CABIN1: variants seen among roughly 807,000 people sequenced by gnomAD.
CABIN1 encodes calcineurin binding protein 1.
A neutral mutation model predicts 227.7 loss-of-function variants in CABIN1; 133 were observed. That is an observed-to-expected ratio of 0.58 (90% confidence interval 0.51 to 0.67). The LOEUF is 0.67. Ranked by LOEUF, CABIN1 falls within the 30% of genes least tolerant of loss-of-function variation. CABIN1 has a pLI of 0.00. For missense variants in CABIN1, 2,408 were observed against 2,852.5 expected, an observed-to-expected ratio of 0.84 and a Z score of 3.55; for synonymous variants, 1,086 against 1,155.1, an observed-to-expected ratio of 0.94 and a Z score of 1.21.
chr22:24,059,188 G>A (rs549411661), intron 10 of CABIN1, 39 bp from the exon 11 acceptor site: 13 of 1,612,028 alleles, frequency 8.1e-6, no homozygotes, highest in Admixed American at 3.3e-5. Context: ...GTGTCAGAAC[G>A]TGTGTTGTGA....
chr22:24,152,476 C>T (rs1175738088), intron 29 of CABIN1, among the ~76,000 whole-genome samples: 2 of 152,172 alleles, frequency 1.3e-5, no homozygotes. Context: ...TCAGCAGTCT[C>T]TGCTGTCACA....
At position 24,067,087 on chromosome 22, in the gene CABIN1, GC is replaced by G; in HGVS notation, c.2142del (p.Thr715LeufsTer16). 6.2e-7 allele frequency: 1 copy of G among 1,614,162 alleles called. No homozygotes were observed. The highest frequency in any genetic ancestry group is 8.5e-7 in the Non-Finnish European group (1 of 1,180,024). ...TACAAGGCTGTTGTGCATCTGCTCCGCCCCACTTTGTGCACCAGTGGGTTTG... is the reference window on the plus strand; with the variant it reads ...TACAAGGCTGTTGTGCATCTGCTCCGCCCACTTTGTGCACCAGTGGGTTTG... Reference protein sequence around the residue: ...GDYKAVVHLLRPTLCTSGFDR... With the variant: ...GDYKAVVHLLXPTLCTSGFDR... On this transcript the variant is annotated frameshift_variant, in exon 16 of 37. Transcript: ENST00000263119. LOFTEE classifies it high-confidence loss of function.
chr22:24,153,061 C>CT (rs2045586569), intron 29 of CABIN1, among the ~76,000 whole-genome samples: 1 of 152,236 alleles, frequency 6.6e-6, no homozygotes, highest in African/African-American at 2.4e-5. Context: ...CCGACAGCAC[C>CT]TTTGGCAGCA....
intron 26 of CABIN1, chr22:24,098,402 T>G: frequency 9.4e-7 from 1 of 1,068,966 alleles, no homozygotes; most frequent in Non-Finnish European, 1.3e-6. Context: ...CCTGCCAGCT[T>G]GCCCACCTGG....
At chr22:24,021,629 G>A (rs2035734849) in intron 1 of CABIN1, among the ~76,000 whole-genome samples, 1 of 152,118 alleles carries the variant, frequency 6.6e-6, no homozygotes, top group African/African-American at 2.4e-5. Flanking sequence ...AGATTGGTTT[G>A]AAGCCTCTAA....
chr22:24,033,497 G>C (rs1337514571), intron 1 of CABIN1, among the ~76,000 whole-genome samples: 3 of 152,164 alleles, frequency 2.0e-5, no homozygotes, highest in Non-Finnish European at 2.9e-5. Flanking sequence ...TGGAGCACAT[G>C]TTCAATCTGT....
chr22:24,062,006 C>A lies in CABIN1; in HGVS notation c.1677C>A (p.Thr559=). The A allele has an allele frequency of 6.2e-7, 1 of 1,613,774 alleles. No individual in the cohort carries two copies. The highest frequency in any genetic ancestry group is 1.1e-5 in the South Asian group (1 of 91,076). The change falls in exon 13 of 37, where the codon ACC becomes ACA. Residue 559 remains threonine (T), a synonymous_variant. Transcript: ENST00000263119. ...MELQLDQWLL[T]KGRSSAVSPR... The stretch of plus-strand genomic sequence containing the variant: ...TCCAGCTGGACCAGTGGCTGCTGAC[C>A]AAAGGCAGAAGCTCTGCAGGTAGGA...
At chr22:24,059,126 C>T (rs2039010636) in intron 10 of CABIN1, 101 bp from the exon 11 acceptor site, 3 of 1,499,090 alleles carry the variant, frequency 2.0e-6, no homozygotes, top group South Asian at 1.1e-5. Context: ...ATTTTAGCTG[C>T]CTTCTTCCTG....
chr22:24,090,601 A>G (rs897698193), intron 23 of CABIN1, among the ~76,000 whole-genome samples: 4 of 145,282 alleles, frequency 2.8e-5, no homozygotes, highest in Non-Finnish European at 4.5e-5. Flanking sequence ...TCCTGGGGCC[A>G]TTGCTACAGG....
intron 28 of CABIN1, among the ~76,000 whole-genome samples, chr22:24,130,032 G>A (rs1168600662): frequency 6.6e-6 from 1 of 152,228 alleles, no homozygotes; most frequent in African/African-American, 2.4e-5. Flanking sequence ...GACATAAGGT[G>A]CCTGTATGCT....
chr22:24,059,491 AT>A, intron 11 of CABIN1, 128 bp downstream of exon 11: 1 of 1,133,344 alleles, frequency 8.8e-7, no homozygotes, highest in Non-Finnish European at 1.3e-6. Flanking sequence ...GTCTGCCTGG[AT>A]TAGTCTTGGA....
intron 34 of CABIN1, among the ~76,000 whole-genome samples, chr22:24,173,725 T>C (rs1388108862): frequency 1.3e-5 from 2 of 152,170 alleles, no homozygotes; most frequent in Non-Finnish European, 2.9e-5. Context: ...TCCCACCTAC[T>C]CGGGAGGCTG....
intron 24 of CABIN1, 86 bp from the exon 25 acceptor site, chr22:24,095,845 G>C (rs1431758528): frequency 6.1e-6 from 9 of 1,465,240 alleles, no homozygotes; most frequent in Non-Finnish European, 7.6e-6. Flanking sequence ...CTGGTCATGG[G>C]CCCATTTCCA....
At chr22:24,060,263 G>A in intron 12 of CABIN1, 122 bp downstream of exon 12, 2 of 961,374 alleles carry the variant, frequency 2.1e-6, no homozygotes, top group African/African-American at 1.6e-5. Flanking sequence ...CTGGAACCTG[G>A]TTTTTTTGTG....
At chr22:24,020,352 C>T (rs1363125148) in intron 1 of CABIN1, among the ~76,000 whole-genome samples, 1 of 151,970 alleles carries the variant, frequency 6.6e-6, no homozygotes, top group South Asian at 2.1e-4. Context: ...TACGGGGTCT[C>T]ACTTTGTCAC....
chr22:24,168,841 A>G (rs765422110), intron 33 of CABIN1, among the ~76,000 whole-genome samples: 2 of 152,150 alleles, frequency 1.3e-5, no homozygotes, highest in African/African-American at 2.4e-5. Flanking sequence ...AGAAGCAGCA[A>G]TGTTAGAGCC....
chr22:24,163,969 C>G (rs76243686), intron 29 of CABIN1, among the ~76,000 whole-genome samples: 78 of 152,322 alleles, frequency 5.1e-4, no homozygotes, highest in Non-Finnish European at 9.9e-4. Context: ...AGGGCAGAGC[C>G]TAGCCAGAGC....
intron 29 of CABIN1, among the ~76,000 whole-genome samples, chr22:24,151,887 G>A (rs1308807124): frequency 6.6e-6 from 1 of 152,126 alleles, no homozygotes; most frequent in African/African-American, 2.4e-5. Context: ...CCTTCCTCCA[G>A]TGGCCCATCC....
intron 26 of CABIN1, among the ~76,000 whole-genome samples, chr22:24,108,891 T>A (rs538339600): frequency 6.6e-6 from 1 of 152,342 alleles, no homozygotes; most frequent in East Asian, 1.9e-4. Flanking sequence ...GACCTAAAGC[T>A]GTAATGGCAC....
Sources: allele counts gnomAD v4.1 joint callset (sites outside exome capture counted in the v4.1 genomes callset), GRCh38; gene constraint gnomAD v4.1.1; transcripts MANE v1.5; gene names NCBI Gene and HGNC (gene_info 2026-07-23, HGNC 2026-07-21).